Variants in IL1RAPL2 observed in about 807,000 individuals in gnomAD.
IL1RAPL2 encodes X-linked interleukin-1 receptor accessory protein-like 2.
Under a neutral mutation model 44.1 loss-of-function variants are expected in IL1RAPL2, and 3 were observed. The observed-to-expected ratio is 0.07, with a 90% CI of 0.03 to 0.18. The LOEUF is 0.18. Among genes scored for constraint, IL1RAPL2 ranks in the 10% least tolerant of loss-of-function variants. The pLI is 1.00. For synonymous variants in IL1RAPL2, 181 were observed against 178.8 expected, an observed-to-expected ratio of 1.01 and a Z score of -0.10; for missense variants, 391 against 496.4, an observed-to-expected ratio of 0.79 and a Z score of 2.02.
chrX:105,023,674 G>A (rs939988874), intron 2 of IL1RAPL2, among the ~76,000 whole-genome samples: 1 of 111,385 alleles, frequency 9.0e-6, no homozygotes, highest in African/African-American at 3.2e-5. Context: ...TATCAGATAT[G>A]TTTGGAAGAT....
rs2033735299 is a variant in IL1RAPL2, at chrX:105,203,504, T to A, written c.356+7756T>A. On this transcript the variant is annotated intron_variant, in intron 3 of 10. Transcript: ENST00000372582. ...TGCAGTTATTTGTGTATCAATTATA[T>A]CTCAATAAAACTATTTATAAAAAAA... 6.4e-5 allele frequency among the ~76,000 whole-genome samples: 5 copies of A among 78,625 alleles called. No homozygotes were observed. The South Asian group carries it at 3.0e-3, about 48-fold the overall frequency. 68.3% of individuals were successfully genotyped at this position (78,625 alleles called of 115,157 possible). A position where few individuals can be genotyped will look rare whatever the true frequency, so the allele number is the denominator to read the frequency against.
intron 2 of IL1RAPL2, among the ~76,000 whole-genome samples, chrX:105,077,036 C>G (rs2032317316): frequency 9.0e-6 from 1 of 110,647 alleles, no homozygotes; most frequent in African/African-American, 3.3e-5. Flanking sequence ...GCATTTAGCC[C>G]ATTTACATTT....
intron 6 of IL1RAPL2, among the ~76,000 whole-genome samples, chrX:105,638,723 T>C: frequency 8.9e-6 from 1 of 112,209 alleles, no homozygotes; most frequent in Non-Finnish European, 1.9e-5. Flanking sequence ...GTGAAAAAAA[T>C]GAAAGAATTT....
intron 2 of IL1RAPL2, among the ~76,000 whole-genome samples, chrX:105,181,604 A>T (rs1602995616): frequency 1.8e-5 from 2 of 111,968 alleles, no homozygotes; most frequent in Admixed American, 1.9e-4. Flanking sequence ...GAACAACTTC[A>T]TGCATTTGTA....
chrX:104,636,556 C>A (rs1278528771), intron 1 of IL1RAPL2, among the ~76,000 whole-genome samples: 9 of 112,005 alleles, frequency 8.0e-5, no homozygotes, highest in Non-Finnish European at 1.5e-4. Flanking sequence ...GCACCCCTCC[C>A]CCAGCCTTGC....
At chrX:104,933,382 T>C (rs1018269537) in intron 2 of IL1RAPL2, among the ~76,000 whole-genome samples, 8 of 111,784 alleles carry the variant, frequency 7.2e-5, no homozygotes, top group African/African-American at 2.6e-4. Context: ...AAGGAGTACT[T>C]GTCTTATTGC....
chrX:105,756,404 G>A (rs2038639975), intron 10 of IL1RAPL2, among the ~76,000 whole-genome samples: 2 of 111,474 alleles, frequency 1.8e-5, no homozygotes, highest in Admixed American at 1.9e-4. Flanking sequence ...TTTGACTTTG[G>A]TTCTCACTCT....
chrX:105,313,584 A>G (rs1005683895), intron 5 of IL1RAPL2, among the ~76,000 whole-genome samples: 8 of 111,346 alleles, frequency 7.2e-5, no homozygotes, highest in African/African-American at 2.6e-4. Flanking sequence ...GCCCCCCTCC[A>G]TTTGTTTATT....
intron 1 of IL1RAPL2, among the ~76,000 whole-genome samples, chrX:104,627,408 A>G (rs1479999603): frequency 9.2e-6 from 1 of 108,313 alleles, no homozygotes; most frequent in Non-Finnish European, 1.9e-5. Context: ...GGTGCAGCAC[A>G]CCAACATGGC....
chrX:105,132,515 A>T (rs2033038234), intron 2 of IL1RAPL2, among the ~76,000 whole-genome samples: 1 of 111,297 alleles, frequency 9.0e-6, no homozygotes, highest in Admixed American at 9.6e-5. Context: ...AAATTTAACC[A>T]TTCCAGTATG....
chrX:105,740,822 A>ACAAAATGGT, intron 8 of IL1RAPL2, 131 bp downstream of exon 8: 1 of 567,372 alleles, frequency 1.8e-6, no homozygotes, highest in Non-Finnish European at 2.7e-6. Context: ...TCAAGGAAAG[A>ACAAAATGGT]TATTTCTCTT....
chrX:105,412,491 A>G (rs1376413042), intron 5 of IL1RAPL2, among the ~76,000 whole-genome samples: 1 of 110,393 alleles, frequency 9.1e-6, no homozygotes, highest in African/African-American at 3.3e-5. Flanking sequence ...ATCTAAAAAA[A>G]GAAAGTTGAT....
chrX:105,169,867 T>A (rs1393222019), intron 2 of IL1RAPL2, among the ~76,000 whole-genome samples: 1 of 108,760 alleles, frequency 9.2e-6, no homozygotes, highest in Non-Finnish European at 1.9e-5. Flanking sequence ...TTATGGATGG[T>A]AGGGATTTGG....
intron 5 of IL1RAPL2, among the ~76,000 whole-genome samples, chrX:105,304,728 A>C: frequency 8.9e-6 from 1 of 111,975 alleles, no homozygotes; most frequent in Non-Finnish European, 1.9e-5. Context: ...ATTCTTGTCA[A>C]CCTTATGGGG....
intron 3 of IL1RAPL2, among the ~76,000 whole-genome samples, chrX:105,205,587 TAAAAAAAAAAAAAAAA>T (rs375473348): frequency 0.023 from 187 of 8,205 alleles, 3 homozygotes; most frequent in African/African-American, 0.034. Context: ...AAGACTCTGT[TAAAAAAAAAAAAAAAA>T]AAAAAAAAAA....
At chrX:105,529,542 A>G (rs2036618052) in intron 6 of IL1RAPL2, among the ~76,000 whole-genome samples, 2 of 111,109 alleles carry the variant, frequency 1.8e-5, no homozygotes, top group South Asian at 7.5e-4. Flanking sequence ...TTTTTCATCA[A>G]ATGTGTCCAT....
At chrX:104,678,225 C>T (rs1249111237) in intron 2 of IL1RAPL2, among the ~76,000 whole-genome samples, 2 of 112,497 alleles carry the variant, frequency 1.8e-5, no homozygotes, top group Non-Finnish European at 3.8e-5. Context: ...AAAGTACCTT[C>T]CTGCAATCTA....
chrX:104,594,852 C>G (rs1223631478), intron 1 of IL1RAPL2, among the ~76,000 whole-genome samples: 1 of 111,014 alleles, frequency 9.0e-6, no homozygotes, highest in South Asian at 3.8e-4. Context: ...GTGCAAAGCT[C>G]CTGAGGTGGC....
At chrX:105,046,682 T>C (rs1205140114) in intron 2 of IL1RAPL2, among the ~76,000 whole-genome samples, 1 of 111,440 alleles carries the variant, frequency 9.0e-6, no homozygotes, top group Non-Finnish European at 1.9e-5. Context: ...CCATCAGCAT[T>C]ATGTGTAAGT....
Sources: gnomAD v4.1 joint callset for allele counts (sites outside exome capture counted in the v4.1 genomes callset) on GRCh38, gnomAD v4.1.1 for gene constraint, MANE v1.5 for transcripts, NCBI Gene and HGNC (gene_info 2026-07-23, HGNC 2026-07-21) for gene names.